The following OR52D1 variants were observed in gnomAD, a reference collection of about 807,000 sequenced individuals.
OR52D1 encodes olfactory receptor family 52 subfamily D member 1, also known as olfactory receptor 52D1.
For missense variants in OR52D1, 423 were observed against 390.0 expected (o/e 1.08, Z -0.71); for synonymous variants, 175 against 149.0 (o/e 1.17, Z -1.27).
Position 5,488,724 on chromosome 11 carries a change from C to T in OR52D1, c.18C>T (p.Leu6=), listed in dbSNP as rs1851531978. Residue 6 remains leucine (L), a synonymous_variant, in exon 1 of 1, where the codon CTC becomes CTT. Coordinates refer to ENST00000322641, the MANE Select transcript of OR52D1 (RefSeq NM_001005163.2). ...CAGGAAGAATGTCAGATTCCAACCTCAGTGATAACCATCTTCCAGACACCT... is the reference window on the plus strand; with the variant it reads ...CAGGAAGAATGTCAGATTCCAACCTTAGTGATAACCATCTTCCAGACACCT... The part of the protein sequence containing the change: MSDSN[L]SDNHLPDTFF... 1.9e-6 allele frequency: 3 copies of T among 1,613,266 alleles called. No individual in the cohort carries two copies. Among genetic ancestry groups the T allele is most frequent in the Admixed American group, 1.7e-5 (1 of 59,954 alleles).
Position 5,489,004 on chromosome 11 carries a change from T to G in OR52D1, c.298T>G (p.Cys100Gly), listed in dbSNP as rs1851536520. Residue 100 changes from cysteine to glycine, a missense_variant, in exon 1 of 1, where the codon TGC (cysteine) becomes GGC (glycine). Transcript: ENST00000322641. ...TGCTGGTGAGATTTCCTTTGGTGGA[T>G]GCCTGGCCCAGATGTTTTGTGTCCA... ...LHAGEISFGGCLAQMFCVHSI... is the reference protein window; with the variant it reads ...LHAGEISFGGGLAQMFCVHSI... The G allele has an allele frequency of 6.2e-7, 1 of 1,614,130 alleles. No individual in the cohort carries two copies. Among genetic ancestry groups the G allele is most frequent in the East Asian group, 2.2e-5 (1 of 44,880 alleles).
rs752836938 is a variant in OR52D1 at position 5,489,037 on chromosome 11, T to C, written c.331T>C (p.Tyr111His). 9.3e-6 allele frequency: 15 copies of C among 1,613,990 alleles called. No homozygotes were observed. Among genetic ancestry groups the C allele is most frequent in the Non-Finnish European group, 1.2e-5 (14 of 1,179,986 alleles). ...CCAGATGTTTTGTGTCCATTCTATC[T>C]ATGCTCTGGAGTCCTCAATTCTACT... ...LAQMFCVHSI[Y>H]ALESSILLAM... The change falls in exon 1 of 1, where the codon TAT becomes CAT. Residue 111 changes from tyrosine (Y) to histidine (H), a missense_variant. Tyr to His is a moderately conservative substitution (Grantham distance 83). Coordinates refer to ENST00000322641, the MANE Select transcript of OR52D1 (RefSeq NM_001005163.2).
rs1851536558 is a variant in OR52D1, at chr11:5,489,005, G to C, written c.299G>C (p.Cys100Ser). ...LHAGEISFGG[C>S]LAQMFCVHSI... is the part of the protein sequence containing the mutation. ...GCTGGTGAGATTTCCTTTGGTGGATGCCTGGCCCAGATGTTTTGTGTCCAT... is the reference window on the plus strand; with the variant it reads ...GCTGGTGAGATTTCCTTTGGTGGATCCCTGGCCCAGATGTTTTGTGTCCAT... The change falls in exon 1 of 1, where the codon TGC (cysteine) becomes TCC (serine). Residue 100 changes from cysteine to serine, a missense_variant. Physicochemically the swap from Cys to Ser is moderately radical, Grantham distance 112. Coordinates refer to ENST00000322641, the MANE Select transcript of OR52D1 (RefSeq NM_001005163.2). 6.2e-7 allele frequency: 1 copy of C among 1,614,032 alleles called. No individual in the cohort carries two copies. Among genetic ancestry groups the C allele is most frequent in the East Asian group, 2.2e-5 (1 of 44,868 alleles).
rs765244955 is a variant in OR52D1 at position 5,489,312 on chromosome 11, GCTAA to G, written c.609_612del (p.Thr204TrpfsTer37). On this transcript the variant is annotated frameshift_variant, in exon 1 of 1. Transcript: ENST00000322641. LOFTEE classifies it low-confidence loss of function (END_TRUNC). ...ACATCACTGTCAATATTGTCTATGG[GCTAA>G]CTGTGGCTCTGCTGGCCATGGGACT... The G allele has an allele frequency of 6.2e-7, 1 of 1,613,994 alleles. No individual in the cohort carries two copies. The highest frequency in any genetic ancestry group is 1.1e-5 in the South Asian group (1 of 91,082).
At position 5,488,812 on chromosome 11, in the gene OR52D1, G is replaced by GC. The variant is rs1379286545; in HGVS notation, c.108dup (p.Met37HisfsTer58). On this transcript the variant is annotated frameshift_variant, in exon 1 of 1. Coordinates refer to ENST00000322641, the MANE Select transcript of OR52D1 (RefSeq NM_001005163.2). LOFTEE classifies it low-confidence loss of function (END_TRUNC). ...CTTCTGGATTGCCATCCCTTTCTGTGCCATGTATCTTGTAGCACTGGTTGG... is the reference window on the plus strand; with the variant it reads ...CTTCTGGATTGCCATCCCTTTCTGTGCCCATGTATCTTGTAGCACTGGTTGG... 6.2e-7 allele frequency: 1 copy of GC among 1,614,034 alleles called. No homozygotes were observed.
chr11:5,488,805 T>C lies in OR52D1; in HGVS notation c.99T>C (p.Pro33=). Residue 33 remains proline (P), a synonymous_variant, in exon 1 of 1, where the codon CCT becomes CCC. Transcript: ENST00000322641. The part of the protein sequence containing the change: ...LEAAHFWIAI[P]FCAMYLVALV... The stretch of plus-strand genomic sequence containing the variant: ...CTGCCCACTTCTGGATTGCCATCCC[T>C]TTCTGTGCCATGTATCTTGTAGCAC... The C allele has an allele frequency of 6.2e-7, 1 of 1,614,050 alleles. No individual in the cohort carries two copies. Among genetic ancestry groups the C allele is most frequent in the Non-Finnish European group, 8.5e-7 (1 of 1,179,940 alleles).
rs1181399020 is a variant in OR52D1, at chr11:5,489,402, A to G, written c.696A>G (p.Pro232=). 1 of 1,613,812 alleles carries G rather than the reference A, an allele frequency of 6.2e-7. No individual in the cohort carries two copies. Among genetic ancestry groups the G allele is most frequent in the Admixed American group, 1.7e-5 (1 of 59,972 alleles). The change falls in exon 1 of 1, where the codon CCA becomes CCG. Residue 232 remains proline, a synonymous_variant. Transcript: ENST00000322641. The part of the protein sequence containing the change: ...GFILHAVFHL[P]SHDAQHKALS... ...TCCTCCATGCAGTCTTTCATCTTCC[A>G]TCTCATGATGCCCAGCACAAAGCTC...
In OR52D1 at chr11:5,489,669, G is replaced by A; in HGVS notation, c.*6G>A. On this transcript the variant is annotated 3_prime_UTR_variant, in exon 1 of 1. Transcript: ENST00000322641. ...TGGGGAAGACTTCAATATGAATGCTGAGCAGAAGTTGGAGATTTAAAAAAA... is the reference window on the plus strand; with the variant it reads ...TGGGGAAGACTTCAATATGAATGCTAAGCAGAAGTTGGAGATTTAAAAAAA... The A allele has an allele frequency of 1.3e-6, 2 of 1,587,590 alleles. No individual in the cohort carries two copies. Among genetic ancestry groups the A allele is most frequent in the Non-Finnish European group, 1.7e-6 (2 of 1,159,306 alleles).
rs1851535985 is a variant in OR52D1 at position 5,488,964 on chromosome 11, C to T, written c.258C>T (p.Ala86=). The T allele has an allele frequency of 6.2e-7, 1 of 1,613,950 alleles. No homozygotes were observed. The highest frequency in any genetic ancestry group is 8.5e-7 in the Non-Finnish European group (1 of 1,179,986). Reference sequence around the variant, plus strand: ...CTACCACTGTGCCCAAGATGCTGGCCATTTTGTGGCTCCATGCTGGTGAGA... The same window carrying T: ...CTACCACTGTGCCCAAGATGCTGGCTATTTTGTGGCTCCATGCTGGTGAGA... ...LSSTTVPKML[A]ILWLHAGEIS... Residue 86 remains alanine (A), a synonymous_variant, in exon 1 of 1, where the codon GCC becomes GCT. Transcript: ENST00000322641.
chr11:5,489,117 C>A lies in OR52D1; in HGVS notation c.411C>A (p.Thr137=), dbSNP rs572993147. ...TCTGTAACCCATTAAGGTACACAAC[C>A]ATTCTCAACCATGCTGTCATAGGCA... ...VAICNPLRYT[T]ILNHAVIGRI... Residue 137 remains threonine, a synonymous_variant, in exon 1 of 1, where the codon ACC becomes ACA. Transcript: ENST00000322641. 2 of 1,613,946 alleles carry A rather than the reference C, an allele frequency of 1.2e-6. No homozygotes were observed. The highest frequency in any genetic ancestry group is 1.1e-5 in the South Asian group (1 of 91,072).
Position 5,489,397 on chromosome 11 carries a change from C to T in OR52D1, c.691C>T (p.Leu231Phe). The stretch of plus-strand genomic sequence containing the variant: ...CTTTATCCTCCATGCAGTCTTTCAT[C>T]TTCCATCTCATGATGCCCAGCACAA... ...YGFILHAVFH[L>F]PSHDAQHKAL... The change falls in exon 1 of 1, where the codon CTT becomes TTT. Residue 231 changes from leucine (L) to phenylalanine (F), a missense_variant. Leu to Phe is a conservative substitution (Grantham distance 22). Coordinates refer to ENST00000322641, the MANE Select transcript of OR52D1 (RefSeq NM_001005163.2). The T allele has an allele frequency of 6.2e-7, 1 of 1,613,882 alleles. No homozygotes were observed. Among genetic ancestry groups the T allele is most frequent in the Non-Finnish European group, 8.5e-7 (1 of 1,179,842 alleles).
chr11:5,489,702 G>A lies in OR52D1; in HGVS notation c.*39G>A. 2 of 1,329,000 alleles carry A rather than the reference G, an allele frequency of 1.5e-6. No individual in the cohort carries two copies. Among genetic ancestry groups the A allele is most frequent in the Non-Finnish European group, 2.1e-6 (2 of 932,822 alleles). The allele number at this position is 1,329,000 out of a possible 1,614,324, so 82.3% of individuals were successfully genotyped here. On this transcript the variant is annotated 3_prime_UTR_variant, in exon 1 of 1. Coordinates refer to ENST00000322641, the MANE Select transcript of OR52D1 (RefSeq NM_001005163.2). ...GTTGGAGATTTAAAAAAAAGTGTAG[G>A]ATGGCTGTCTAGATACATTTACATG...
rs1445961557 is a variant in OR52D1 at position 5,489,359 on chromosome 11, C to T, written c.653C>T (p.Ala218Val). 6.2e-7 allele frequency: 1 copy of T among 1,613,988 alleles called. No individual in the cohort carries two copies. Among genetic ancestry groups the T allele is most frequent in the Non-Finnish European group, 8.5e-7 (1 of 1,179,894 alleles). The change falls in exon 1 of 1, where the codon GCC becomes GTC. Residue 218 changes from alanine to valine, a missense_variant. Transcript: ENST00000322641. The part of the protein sequence containing the change: ...LAMGLDSILI[A>V]ISYGFILHAV... ...ATGGGACTGGATTCCATTCTCATTG[C>T]CATTTCCTATGGCTTTATCCTCCAT... is the stretch of plus-strand genomic sequence containing the variant.
Position 5,488,954 on chromosome 11 carries a change from A to G in OR52D1, c.248A>G (p.Lys83Arg). 6.2e-7 allele frequency: 1 copy of G among 1,613,902 alleles called. No homozygotes were observed. Among genetic ancestry groups the G allele is most frequent in the Non-Finnish European group, 8.5e-7 (1 of 1,179,984 alleles). ...GCTCTCAGTTCTACCACTGTGCCCA[A>G]GATGCTGGCCATTTTGTGGCTCCAT... ...DLALSSTTVPKMLAILWLHAG... is the reference protein window; with the variant it reads ...DLALSSTTVPRMLAILWLHAG... Residue 83 changes from lysine (K) to arginine (R), a missense_variant, in exon 1 of 1, where the codon AAG becomes AGG. By Grantham distance (26) the Lys-to-Arg change is conservative (BLOSUM62 2). Coordinates refer to ENST00000322641, the MANE Select transcript of OR52D1 (RefSeq NM_001005163.2).
In OR52D1 at chr11:5,489,034, A is replaced by T. The variant is rs767673177; in HGVS notation, c.328A>T (p.Ile110Phe). 1 of 1,613,962 alleles carries T rather than the reference A, an allele frequency of 6.2e-7. No homozygotes were observed. Among genetic ancestry groups the T allele is most frequent in the Non-Finnish European group, 8.5e-7 (1 of 1,179,964 alleles). Reference sequence around the variant, plus strand: ...GGCCCAGATGTTTTGTGTCCATTCTATCTATGCTCTGGAGTCCTCAATTCT... The same window carrying T: ...GGCCCAGATGTTTTGTGTCCATTCTTTCTATGCTCTGGAGTCCTCAATTCT... ...CLAQMFCVHSIYALESSILLA... is the reference protein window; with the variant it reads ...CLAQMFCVHSFYALESSILLA... Residue 110 changes from isoleucine to phenylalanine, a missense_variant, in exon 1 of 1, where the codon ATC (isoleucine) becomes TTC (phenylalanine). Ile to Phe is a conservative substitution (Grantham distance 21). Coordinates refer to ENST00000322641, the MANE Select transcript of OR52D1 (RefSeq NM_001005163.2).
Position 5,489,053 on chromosome 11 carries a change from C to G in OR52D1, c.347C>G (p.Ser116Ter), listed in dbSNP as rs779417110. 5 of 1,614,016 alleles carry G rather than the reference C, an allele frequency of 3.1e-6. No homozygotes were observed. Among genetic ancestry groups the G allele is most frequent in the Non-Finnish European group, 4.2e-6 (5 of 1,179,956 alleles). ...CVHSIYALES[S>*]ILLAMAFDRY... ...CATTCTATCTATGCTCTGGAGTCCT[C>G]AATTCTACTTGCCATGGCCTTTGAT... Residue 116 changes from serine (S) to a stop codon, truncating the protein, a stop_gained, in exon 1 of 1, where the codon TCA becomes TGA. Transcript: ENST00000322641. LOFTEE classifies it low-confidence loss of function (END_TRUNC).
chr11:5,488,814 C>T lies in OR52D1; in HGVS notation c.108C>T (p.Ala36=). The change falls in exon 1 of 1, where the codon GCC becomes GCT. Residue 36 remains alanine, a synonymous_variant. Transcript: ENST00000322641. ...TCTGGATTGCCATCCCTTTCTGTGC[C>T]ATGTATCTTGTAGCACTGGTTGGAA... ...AHFWIAIPFC[A]MYLVALVGNA... 6.2e-7 allele frequency: 1 copy of T among 1,614,060 alleles called. No individual in the cohort carries two copies. Among genetic ancestry groups the T allele is most frequent in the Non-Finnish European group, 8.5e-7 (1 of 1,179,948 alleles).
At position 5,489,598 on chromosome 11, in the gene OR52D1, G is replaced by C; in HGVS notation, c.892G>C (p.Ala298Pro). The C allele has an allele frequency of 6.2e-7, 1 of 1,613,988 alleles. No homozygotes were observed. Among genetic ancestry groups the C allele is most frequent in the Non-Finnish European group, 8.5e-7 (1 of 1,179,948 alleles). ...PPVLNPILYGARTKEIRSRLL... is the reference protein window; with the variant it reads ...PPVLNPILYGPRTKEIRSRLL... ...TGTACTCAATCCTATTCTCTATGGA[G>C]CTAGAACCAAGGAGATTCGGAGTCG... Residue 298 changes from alanine (A) to proline (P), a missense_variant, in exon 1 of 1, where the codon GCT becomes CCT. Transcript: ENST00000322641.
At position 5,489,116 on chromosome 11, in the gene OR52D1, C is replaced by A. The variant is rs111735812; in HGVS notation, c.410C>A (p.Thr137Asn). Residue 137 changes from threonine (T) to asparagine (N), a missense_variant, in exon 1 of 1, where the codon ACC becomes AAC. Transcript: ENST00000322641. ...VAICNPLRYT[T>N]ILNHAVIGRI... ...ATCTGTAACCCATTAAGGTACACAA[C>A]CATTCTCAACCATGCTGTCATAGGC... 2.4e-3 allele frequency: 3,796 copies of A among 1,613,944 alleles called. 70 individuals carry two copies. In the African/African-American group the frequency reaches 0.04, roughly 17 times the overall value.
Sources: gnomAD v4.1 joint callset for allele counts on GRCh38, gnomAD v4.1.1 for gene constraint, MANE v1.5 for transcripts, NCBI Gene and HGNC (gene_info 2026-07-23, HGNC 2026-07-21) for gene names.